Variants in NTNG1 observed in about 807,000 individuals in gnomAD.
NTNG1 encodes the protein netrin G1.
In NTNG1, 16 loss-of-function variants were observed where a neutral mutation model predicts 54.0. The observed-to-expected ratio is 0.30, with a 90% CI of 0.20 to 0.45. NTNG1 has a LOEUF of 0.45. Among genes scored for constraint, NTNG1 ranks in the 20% least tolerant of loss-of-function variants. The probability of loss-of-function intolerance (pLI) is 1.00; values close to 1 mark genes in which losing one functional copy is unlikely to be tolerated. For missense variants in NTNG1, 530 were observed against 678.7 expected (o/e 0.78, Z 2.43); for synonymous variants, 255 against 263.1 (o/e 0.97, Z 0.30).
chr1:107,244,415 G>A (rs1007761297), intron 2 of NTNG1, among the ~76,000 whole-genome samples: 1 of 152,122 alleles, frequency 6.6e-6, no homozygotes, highest in African/African-American at 2.4e-5. Context: ...TGCCACGTGA[G>A]GTATCCTGTA....
At chr1:107,153,735 G>A (rs1299194740) in intron 2 of NTNG1, among the ~76,000 whole-genome samples, 1 of 152,094 alleles carries the variant, frequency 6.6e-6, no homozygotes, top group Non-Finnish European at 1.5e-5. Context: ...GAATTTGGGT[G>A]CATACAGCCT....
intron 2 of NTNG1, among the ~76,000 whole-genome samples, chr1:107,256,912 G>C (rs1662971865): frequency 6.6e-6 from 1 of 152,086 alleles, no homozygotes. Flanking sequence ...TGTCCAAATT[G>C]TTATTTTTTT....
At chr1:107,284,666 T>A (rs1355605472) in intron 2 of NTNG1, among the ~76,000 whole-genome samples, 3 of 152,068 alleles carry the variant, frequency 2.0e-5, no homozygotes, top group East Asian at 3.9e-4. Context: ...CTGTGTTTTT[T>A]AAAAAATATG....
chr1:107,297,791 T>C (rs770718851), intron 2 of NTNG1, among the ~76,000 whole-genome samples: 3 of 152,130 alleles, frequency 2.0e-5, no homozygotes, highest in Non-Finnish European at 2.9e-5. Context: ...AGTTACATTG[T>C]GGGGACATAA....
At chr1:107,280,363 C>A (rs539962531) in intron 2 of NTNG1, among the ~76,000 whole-genome samples, 8 of 151,506 alleles carry the variant, frequency 5.3e-5, no homozygotes, top group Admixed American at 2.6e-4. Flanking sequence ...AACCTCTTCT[C>A]TCATAAGTGT....
chr1:107,275,777 C>T (rs1410859477), intron 2 of NTNG1, among the ~76,000 whole-genome samples: 1 of 152,200 alleles, frequency 6.6e-6, no homozygotes, highest in Non-Finnish European at 1.5e-5. Context: ...TTTACCAATT[C>T]AAATGGTAAT....
chr1:107,381,086 T>G (rs977755229), intron 3 of NTNG1, among the ~76,000 whole-genome samples: 1 of 152,134 alleles, frequency 6.6e-6, no homozygotes, highest in African/African-American at 2.4e-5. Context: ...TTATAAATGA[T>G]TGATTATGAC....
chr1:107,155,933 C>T (rs1023376189), intron 2 of NTNG1, among the ~76,000 whole-genome samples: 3 of 152,062 alleles, frequency 2.0e-5, no homozygotes, highest in African/African-American at 7.2e-5. Flanking sequence ...TTATAGTTTC[C>T]TATAGTATTC....
At chr1:107,191,312 A>G (rs1206400987) in intron 2 of NTNG1, among the ~76,000 whole-genome samples, 3 of 152,118 alleles carry the variant, frequency 2.0e-5, no homozygotes, top group Admixed American at 1.3e-4. Flanking sequence ...AGTTCATTGT[A>G]GATTCTGGAT....
intron 2 of NTNG1, among the ~76,000 whole-genome samples, chr1:107,299,776 A>C (rs549134462): frequency 5.5e-4 from 84 of 152,278 alleles, no homozygotes; most frequent in African/African-American, 2.0e-3. Context: ...AACTAAGGCC[A>C]GGAGAAGTTA....
intron 2 of NTNG1, among the ~76,000 whole-genome samples, chr1:107,316,274 G>C (rs1667332101): frequency 6.6e-6 from 1 of 152,218 alleles, no homozygotes; most frequent in Non-Finnish European, 1.5e-5. Context: ...TGAATATGGA[G>C]ACACCACCCA....
At chr1:107,463,722 T>A (rs2101552484) in intron 7 of NTNG1, among the ~76,000 whole-genome samples, 1 of 152,284 alleles carries the variant, frequency 6.6e-6, no homozygotes, top group East Asian at 1.9e-4. Flanking sequence ...TTTTTTTCAG[T>A]TTACTCACCA....
intron 1 of NTNG1, among the ~76,000 whole-genome samples, chr1:107,144,599 G>T (rs1164302391): frequency 1.3e-5 from 2 of 151,834 alleles, no homozygotes; most frequent in Non-Finnish European, 2.9e-5. Context: ...TCTGGTGAAA[G>T]AAAGGGCCTG....
At chr1:107,197,181 A>T (rs1557800976) in intron 2 of NTNG1, among the ~76,000 whole-genome samples, 2 of 151,950 alleles carry the variant, frequency 1.3e-5, no homozygotes, top group African/African-American at 4.8e-5. Context: ...TGTCTGTATG[A>T]TACCCTTAGG....
chr1:107,169,806 G>A (rs1656083004), intron 2 of NTNG1, among the ~76,000 whole-genome samples: 1 of 152,200 alleles, frequency 6.6e-6, no homozygotes, highest in Admixed American at 6.5e-5. Flanking sequence ...GAGCTAGTAG[G>A]AGATGTACAT....
chr1:107,193,612 A>T (rs1029834419), intron 2 of NTNG1, among the ~76,000 whole-genome samples: 2 of 151,980 alleles, frequency 1.3e-5, no homozygotes, highest in Non-Finnish European at 2.9e-5. Flanking sequence ...GGGTGAGCAG[A>T]TGTAGATTGA....
At chr1:107,375,642 A>G (rs945562299) in intron 3 of NTNG1, among the ~76,000 whole-genome samples, 7 of 152,206 alleles carry the variant, frequency 4.6e-5, no homozygotes, top group African/African-American at 1.4e-4. Context: ...ATGTTGACTT[A>G]TCTTTTGATT....
chr1:107,161,045 C>T (rs1655362252), intron 2 of NTNG1, among the ~76,000 whole-genome samples: 1 of 152,146 alleles, frequency 6.6e-6, no homozygotes, highest in Non-Finnish European at 1.5e-5. Flanking sequence ...ACTGATATCT[C>T]ATAGGTTATA....
At position 107,475,935 on chromosome 1, in the gene NTNG1, A is replaced by G. The variant is rs145974746; in HGVS notation, c.1391-4676A>G. ...ATGGGAGCAAAATCATCCAGCGTTG[A>G]GAACCACTACTTTAGACTGACATCC... On this transcript the variant is annotated intron_variant, in intron 7 of 7. Coordinates refer to ENST00000370068, the MANE Select transcript of NTNG1 (RefSeq NM_001113226.3). Among the ~76,000 whole-genome samples, 976 of 152,340 alleles carry G rather than the reference A, an allele frequency of 6.4e-3. 14 individuals carry two copies. Among genetic ancestry groups the G allele is most frequent in the African/African-American group, 0.022 (934 of 41,584 alleles).
Sources: allele counts gnomAD v4.1 joint callset (sites outside exome capture counted in the v4.1 genomes callset), GRCh38; gene constraint gnomAD v4.1.1; transcripts MANE v1.5; gene names NCBI Gene and HGNC (gene_info 2026-07-23, HGNC 2026-07-21).